GRIA4: variants seen among roughly 807,000 people sequenced by gnomAD.
GRIA4 encodes the protein glutamate ionotropic receptor AMPA type subunit 4, also known as glutamate receptor 4.
GRIA4 carries 34 observed loss-of-function variants against 104.0 expected under a neutral mutation model. That is an observed-to-expected ratio of 0.33 (90% CI 0.25 to 0.44). The LOEUF is 0.44. Among genes scored for constraint, GRIA4 ranks in the 20% least tolerant of loss-of-function variants. The pLI is 1.00. For missense variants in GRIA4, 750 were observed against 1,096.5 expected, an observed-to-expected ratio of 0.68 and a Z score of 4.46; for synonymous variants, 386 against 381.9, an observed-to-expected ratio of 1.01 and a Z score of -0.13.
intron 5 of GRIA4, among the ~76,000 whole-genome samples, chr11:105,875,681 A>G (rs1945792409): frequency 6.6e-6 from 1 of 152,004 alleles, no homozygotes; most frequent in South Asian, 2.1e-4. Flanking sequence ...TTTCTTCTCG[A>G]TGTTCTAGTT....
intron 14 of GRIA4, among the ~76,000 whole-genome samples, chr11:105,951,495 T>C (rs1948455228): frequency 6.6e-6 from 1 of 152,166 alleles, no homozygotes; most frequent in Non-Finnish European, 1.5e-5. Context: ...TTGAGCACAG[T>C]GATAACAACA....
chr11:105,612,524 A>G, intron 3 of GRIA4, 90 bp downstream of exon 3: 6 of 1,012,078 alleles, frequency 5.9e-6, no homozygotes, highest in Non-Finnish European at 8.6e-6. Context: ...TTTTTTTAGA[A>G]AGAATTTCAA....
Position 105,903,500 on chromosome 11 carries a change from T to C in GRIA4, c.886-314T>C, listed in dbSNP as rs140308876. Among the ~76,000 whole-genome samples, 371 of 152,340 alleles carry C rather than the reference T, an allele frequency of 2.4e-3. 2 individuals carry two copies. Among genetic ancestry groups the C allele is most frequent in the African/African-American group, 8.6e-3 (356 of 41,592 alleles). ...TAGCCTTTGATACATTAGCTATTTG[T>C]ACTGGGACACAACAGAAAGGCCTTG... is the stretch of plus-strand genomic sequence containing the variant. On this transcript the variant is annotated intron_variant, in intron 7 of 16. Coordinates refer to ENST00000282499, the MANE Select transcript of GRIA4 (RefSeq NM_000829.4).
intron 4 of GRIA4, among the ~76,000 whole-genome samples, chr11:105,756,142 A>T (rs900544346): frequency 1.3e-5 from 2 of 152,188 alleles, no homozygotes; most frequent in Non-Finnish European, 2.9e-5. Context: ...ACCCTAATTC[A>T]TAAGTAATAT....
chr11:105,688,144 CTATATCTA>C lies in GRIA4; in HGVS notation c.248-64833_248-64826del, dbSNP rs955686194. 4.3e-4 allele frequency among the ~76,000 whole-genome samples: 26 copies of C among 60,376 alleles called. 1 individual carries two copies. The highest frequency in any genetic ancestry group is 1.3e-3 in the African/African-American group (26 of 19,498). The allele number at this position is 60,376 out of a possible 152,430, so 39.6% of individuals were successfully genotyped here. The stretch of plus-strand genomic sequence containing the variant: ...TCTATATCTATATCTATATCTATAT[CTATATCTA>C]TATCTCTATCTATCTATCTATCTAT... On this transcript the variant is annotated intron_variant, in intron 3 of 16. Transcript: ENST00000282499.
At chr11:105,783,079 T>C (rs1028680268) in intron 4 of GRIA4, among the ~76,000 whole-genome samples, 1 of 152,214 alleles carries the variant, frequency 6.6e-6, no homozygotes, top group Non-Finnish European at 1.5e-5. Flanking sequence ...AAAATTGTAA[T>C]CTTCTGAAAC....
chr11:105,932,916 C>T (rs1335458744), intron 13 of GRIA4, among the ~76,000 whole-genome samples: 1 of 151,870 alleles, frequency 6.6e-6, no homozygotes, highest in Non-Finnish European at 1.5e-5. Flanking sequence ...ATCATGTACA[C>T]TAAAATTTGG....
intron 13 of GRIA4, among the ~76,000 whole-genome samples, chr11:105,933,243 A>G (rs1233103801): frequency 6.6e-6 from 1 of 152,034 alleles, no homozygotes; most frequent in Non-Finnish European, 1.5e-5. Flanking sequence ...CCCTGTCTCC[A>G]AAAAACTCTA....
chr11:105,721,195 T>G (rs1332484645), intron 3 of GRIA4, among the ~76,000 whole-genome samples: 1 of 152,170 alleles, frequency 6.6e-6, no homozygotes, highest in Non-Finnish European at 1.5e-5. Context: ...GAGAGATTCA[T>G]TGCAAAAATA....
intron 14 of GRIA4, among the ~76,000 whole-genome samples, chr11:105,944,448 C>G (rs1948256900): frequency 1.3e-5 from 2 of 152,000 alleles, no homozygotes; most frequent in South Asian, 4.2e-4. Context: ...TTTATGGGAG[C>G]CAATCACCCA....
intron 4 of GRIA4, among the ~76,000 whole-genome samples, chr11:105,804,355 C>T (rs1030188120): frequency 3.1e-5 from 1 of 31,892 alleles, no homozygotes; most frequent in African/African-American, 1.2e-4. Context: ...AACACACATG[C>T]ACACACACAC....
chr11:105,707,003 G>A (rs964730053), intron 3 of GRIA4: 1 of 152,216 alleles, frequency 6.6e-6, no homozygotes, highest in Non-Finnish European at 1.5e-5. Context: ...GTAGCATCCA[G>A]TTCGTTGTAC....
intron 4 of GRIA4, among the ~76,000 whole-genome samples, chr11:105,782,979 A>T (rs1941795930): frequency 6.6e-6 from 1 of 152,156 alleles, no homozygotes; most frequent in African/African-American, 2.4e-5. Flanking sequence ...CAAAATAATA[A>T]ATGTAAAGTT....
chr11:105,660,220 T>G (rs535446566), intron 3 of GRIA4, among the ~76,000 whole-genome samples: 12 of 151,850 alleles, frequency 7.9e-5, no homozygotes, highest in African/African-American at 2.2e-4. Context: ...AAATATCCAC[T>G]AGGTGTCCAA....
At chr11:105,801,207 TCTAC>T (rs1423510516) in intron 4 of GRIA4, among the ~76,000 whole-genome samples, 2 of 151,558 alleles carry the variant, frequency 1.3e-5, no homozygotes, top group Non-Finnish European at 3.0e-5. Flanking sequence ...TTTAAATGTA[TCTAC>T]CTGTTGAAAT....
intron 3 of GRIA4, among the ~76,000 whole-genome samples, chr11:105,622,439 T>G (rs936716322): frequency 3.3e-5 from 5 of 151,920 alleles, no homozygotes; most frequent in Admixed American, 2.0e-4. Context: ...TGCTCTTTTT[T>G]GACTGAATTT....
chr11:105,807,997 T>A (rs1267231067), intron 4 of GRIA4, among the ~76,000 whole-genome samples: 1 of 152,012 alleles, frequency 6.6e-6, no homozygotes, highest in Non-Finnish European at 1.5e-5. Context: ...TACTCTCTTT[T>A]GATTCTCTTA....
intron 14 of GRIA4, among the ~76,000 whole-genome samples, chr11:105,971,188 A>G (rs1858671664): frequency 1.3e-5 from 2 of 152,206 alleles, no homozygotes; most frequent in South Asian, 4.1e-4. Flanking sequence ...AAGATAGATG[A>G]AAAGATAAAT....
At chr11:105,728,333 A>G (rs1938355659) in intron 3 of GRIA4, among the ~76,000 whole-genome samples, 1 of 152,258 alleles carries the variant, frequency 6.6e-6, no homozygotes, top group Non-Finnish European at 1.5e-5. Flanking sequence ...ATTATTCTAA[A>G]TATATATGCA....
Sources: allele counts gnomAD v4.1 joint callset (sites outside exome capture counted in the v4.1 genomes callset), GRCh38; gene constraint gnomAD v4.1.1; transcripts MANE v1.5; gene names NCBI Gene and HGNC (gene_info 2026-07-23, HGNC 2026-07-21).